SFXN2: variants seen among roughly 807,000 people sequenced by gnomAD.
The protein encoded by SFXN2 is sideroflexin 2.
Under a neutral mutation model 41.9 loss-of-function variants are expected in SFXN2, and 37 were observed. The ratio of observed to expected loss-of-function variants is 0.88; its 90% CI spans 0.68 to 1.16. SFXN2 has a LOEUF of 1.16. SFXN2 is among the 50% of genes most tolerant of loss of function. The pLI is 0.00. For missense variants in SFXN2, 386 were observed against 425.2 expected, an observed-to-expected ratio of 0.91 and a Z score of 0.81; for synonymous variants, 150 against 156.7, an observed-to-expected ratio of 0.96 and a Z score of 0.32.
intron 1 of SFXN2, among the ~76,000 whole-genome samples, chr10:102,717,149 G>A (rs1433232509): frequency 4.5e-5 from 3 of 67,404 alleles, no homozygotes; most frequent in Non-Finnish European, 5.7e-5. Context: ...TTTTTTTTGT[G>A]GAGACGGAGT....
chr10:102,732,156 C>T lies in SFXN2; in HGVS notation c.659C>T (p.Ala220Val), dbSNP rs762900590. Residue 220 changes from alanine to valine, a missense_variant, in exon 8 of 12, where the codon GCT (alanine) becomes GTT (valine). By Grantham distance (64) the Ala-to-Val change is moderately conservative. Transcript: ENST00000369893. ...CTTACTATTTTCTGCCCTCAGAGAGCTGCGGCCATAGGCATCACCCAAGTA... is the reference window on the plus strand; with the variant it reads ...CTTACTATTTTCTGCCCTCAGAGAGTTGCGGCCATAGGCATCACCCAAGTA... ...NENEIGHSRR[A>V]AAIGITQVVI... is the part of the protein sequence containing the mutation. The T allele has an allele frequency of 3.7e-6, 6 of 1,613,790 alleles. No individual in the cohort carries two copies. Among genetic ancestry groups the T allele is most frequent in the Non-Finnish European group, 5.1e-6 (6 of 1,179,824 alleles).
At position 102,729,348 on chromosome 10, in the gene SFXN2, C is replaced by T; in HGVS notation, c.461C>T (p.Thr154Ile). ...ATGGCCCTTTCCTACTTCACAGCCA[C>T]AACCACTGCTGTGGCCACGGCTGTG... ...RQMALSYFTA[T>I]TTAVATAVGM... Residue 154 changes from threonine (T) to isoleucine (I), a missense_variant, in exon 5 of 12, where the codon ACA becomes ATA. By Grantham distance (89) the Thr-to-Ile change is moderately conservative. Transcript: ENST00000369893. 6.2e-7 allele frequency: 1 copy of T among 1,614,204 alleles called. No homozygotes were observed. The highest frequency in any genetic ancestry group is 1.1e-5 in the South Asian group (1 of 91,092).
At position 102,730,612 on chromosome 10, in the gene SFXN2, TA is replaced by T. The variant is rs200015539; in HGVS notation, c.593+805del. Among the ~76,000 whole-genome samples, 1,289 of 152,330 alleles carry T rather than the reference TA, an allele frequency of 8.5e-3. 11 individuals carry two copies. The highest frequency in any genetic ancestry group is 0.029 in the African/African-American group (1,219 of 41,588). On this transcript the variant is annotated intron_variant, in intron 6 of 11. Transcript: ENST00000369893. ...AACAGGAGAATGAGTCCCTGCCACC[TA>T]CCGGGGCTTGAGTTGAGTGCTGTCA...
At position 102,726,690 on chromosome 10, in the gene SFXN2, C is replaced by T. The variant is rs370093732; in HGVS notation, c.54C>T (p.Arg18=). 6 of 1,614,116 alleles carry T rather than the reference C, an allele frequency of 3.7e-6. No individual in the cohort carries two copies. The African/African-American group carries it at 4.0e-5, about 11-fold the overall frequency. ...FNIDAPRWDQ[R]TFLGRVKHFL... ...TCGATGCCCCCCGTTGGGACCAGCG[C>T]ACCTTCCTGGGGAGAGTGAAGCACT... is the stretch of plus-strand genomic sequence containing the variant. The change falls in exon 2 of 12, where the codon CGC becomes CGT. Residue 18 remains arginine (R), a synonymous_variant. Coordinates refer to ENST00000369893, the MANE Select transcript of SFXN2 (RefSeq NM_178858.6).
intron 6 of SFXN2, among the ~76,000 whole-genome samples, chr10:102,731,316 A>C (rs2064701157): frequency 6.7e-6 from 1 of 149,484 alleles, no homozygotes; most frequent in African/African-American, 2.4e-5. Context: ...CTGTTTGTGG[A>C]GTGATCACAC....
intron 5 of SFXN2, 71 bp downstream of exon 5, chr10:102,729,465 C>A: frequency 6.5e-7 from 1 of 1,546,684 alleles, no homozygotes; most frequent in South Asian, 1.1e-5. Flanking sequence ...ACGTCCTTCC[C>A]CCAGGGACAG....
In SFXN2 at chr10:102,741,355, G is replaced by A. The variant is rs1018982016; in HGVS notation, c.*3593G>A. On this transcript the variant is annotated 3_prime_UTR_variant, in exon 12 of 12. Transcript: ENST00000369893. The stretch of plus-strand genomic sequence containing the variant: ...TGCTTCCTCAGCCTCCTGGACTCAA[G>A]TGATCCTCCTGCCTTAGCCTCCCGA... 6.6e-6 allele frequency: 1 copy of A among 152,260 alleles called. No individual in the cohort carries two copies. Among genetic ancestry groups the A allele is most frequent in the Non-Finnish European group, 1.5e-5 (1 of 68,088 alleles). The allele number at this position is 152,260 out of a possible 1,614,324, so 9.4% of individuals were successfully genotyped here.
At chr10:102,722,526 A>G (rs1564739790) in intron 1 of SFXN2, among the ~76,000 whole-genome samples, 3 of 152,132 alleles carry the variant, frequency 2.0e-5, no homozygotes, top group East Asian at 1.9e-4. Flanking sequence ...AAAGATTTTT[A>G]TTTGTTTGTT....
At position 102,726,605 on chromosome 10, in the gene SFXN2, C is replaced by T. The variant is rs2064596258; in HGVS notation, c.-25-7C>T. ...GGGGACAGTCATCTTCTTCCTTTGTCCCTTAGGTCCACAGTTTTATGTGTG... is the reference window on the plus strand; with the variant it reads ...GGGGACAGTCATCTTCTTCCTTTGTTCCTTAGGTCCACAGTTTTATGTGTG... On this transcript the variant is annotated splice_region_variant and splice_polypyrimidine_tract_variant and intron_variant, in intron 1 of 11. Transcript: ENST00000369893. The T allele has an allele frequency of 6.2e-7, 1 of 1,612,978 alleles. No individual in the cohort carries two copies. Among genetic ancestry groups the T allele is most frequent in the African/African-American group, 1.3e-5 (1 of 75,032 alleles).
intron 8 of SFXN2, 85 bp from the exon 9 acceptor site, chr10:102,732,774 C>T (rs897867203): frequency 7.8e-6 from 11 of 1,402,224 alleles, no homozygotes; most frequent in Non-Finnish European, 1.1e-5. Context: ...GGAGAGGGAA[C>T]CACTTGGTTC....
intron 1 of SFXN2, chr10:102,717,859 C>A: frequency 1.1e-6 from 1 of 913,742 alleles, no homozygotes; most frequent in Non-Finnish European, 1.3e-6. Flanking sequence ...TGCTTGTGAG[C>A]CTTACAGTCT....
chr10:102,728,170 G>A (rs1465221549), intron 3 of SFXN2, among the ~76,000 whole-genome samples: 1 of 152,138 alleles, frequency 6.6e-6, no homozygotes, highest in African/African-American at 2.4e-5. Context: ...GTGGTGGTGT[G>A]TGCCTGTAGT....
At position 102,739,492 on chromosome 10, in the gene SFXN2, A is replaced by AGAGTTGT. The variant is rs1224658090; in HGVS notation, c.*1730_*1731insGAGTTGT. On this transcript the variant is annotated 3_prime_UTR_variant, in exon 12 of 12. Coordinates refer to ENST00000369893, the MANE Select transcript of SFXN2 (RefSeq NM_178858.6). ...AAGCTAAGAATGTTTTTACATTTTT[A>AGAGTTGT]AAGAGTTGTAAAAGGGAACAACAGG... 1.9e-5 allele frequency: 1 copy of AGAGTTGT among 51,958 alleles called. No individual in the cohort carries two copies. Among genetic ancestry groups the AGAGTTGT allele is most frequent in the Non-Finnish European group, 4.8e-5 (1 of 20,908 alleles). The allele number at this position is 51,958 out of a possible 1,614,324, so 3.2% of individuals were successfully genotyped here.
rs552315724 is a variant in SFXN2, at chr10:102,736,326, C to T, written c.869+417C>T. ...AGGCTGGAGTGCAGTGGCACGATCT[C>T]GGCTCACCACAGCCTCCGCCTCCCA... On this transcript the variant is annotated intron_variant, in intron 11 of 11. Transcript: ENST00000369893. 2.8e-4 allele frequency among the ~76,000 whole-genome samples: 43 copies of T among 151,822 alleles called. 1 individual carries two copies. The highest frequency in any genetic ancestry group is 1.6e-3 in the Admixed American group (25 of 15,264).
chr10:102,720,109 G>C (rs950756132), intron 1 of SFXN2, among the ~76,000 whole-genome samples: 1 of 151,942 alleles, frequency 6.6e-6, no homozygotes, highest in African/African-American at 2.4e-5. Flanking sequence ...TGGCTAACAC[G>C]GTGAAACCGC....
In SFXN2 at chr10:102,727,039, A is replaced by G; in HGVS notation, c.214A>G (p.Lys72Glu). ...TQVEQLLYAKKLYDSAFHPDT... is the reference protein window; with the variant it reads ...TQVEQLLYAKELYDSAFHPDT... ...AGTGGAGCAGCTGCTGTATGCCAAG[A>G]AGCTGTATGACTCGGCCTTCCACCC... The change falls in exon 3 of 12, where the codon AAG (lysine) becomes GAG (glutamate). Residue 72 changes from lysine to glutamate, a missense_variant. Coordinates refer to ENST00000369893, the MANE Select transcript of SFXN2 (RefSeq NM_178858.6). The G allele has an allele frequency of 6.2e-7, 1 of 1,608,698 alleles. No individual in the cohort carries two copies. The highest frequency in any genetic ancestry group is 2.2e-5 in the East Asian group (1 of 44,696).
chr10:102,729,358 T>C lies in SFXN2; in HGVS notation c.471T>C (p.Ala157=). The C allele has an allele frequency of 3.1e-6, 5 of 1,614,200 alleles. No homozygotes were observed. The highest frequency in any genetic ancestry group is 4.2e-6 in the Non-Finnish European group (5 of 1,180,022). Residue 157 remains alanine (A), a synonymous_variant, in exon 5 of 12, where the codon GCT becomes GCC. Transcript: ENST00000369893. ...CCTACTTCACAGCCACAACCACTGC[T>C]GTGGCCACGGCTGTGGGCATGAACA... The part of the protein sequence containing the change: ...ALSYFTATTT[A]VATAVGMNML...
chr10:102,737,601 T>C, intron 11 of SFXN2, 62 bp from the exon 12 acceptor site: 1 of 1,083,936 alleles, frequency 9.2e-7, no homozygotes. Context: ...GTGATATTCA[T>C]CTGAGGGTAA....
chr10:102,732,780 G>T, intron 8 of SFXN2, 79 bp from the exon 9 acceptor site: 1 of 1,459,570 alleles, frequency 6.9e-7, no homozygotes, highest in Non-Finnish European at 9.6e-7. Flanking sequence ...GGAACCACTT[G>T]GTTCCTGGTC....
Sources: allele counts gnomAD v4.1 joint callset (sites outside exome capture counted in the v4.1 genomes callset), GRCh38; gene constraint gnomAD v4.1.1; transcripts MANE v1.5; gene names NCBI Gene and HGNC (gene_info 2026-07-23, HGNC 2026-07-21).